The following RHBDF2 variants were observed in gnomAD, a reference collection of about 807,000 sequenced individuals.
The protein encoded by RHBDF2 is rhomboid 5 homolog 2.
A neutral mutation model predicts 95.2 loss-of-function variants in RHBDF2; 38 were observed. The ratio of observed to expected loss-of-function variants is 0.40; its 90% confidence interval spans 0.31 to 0.52. RHBDF2 has a LOEUF of 0.52. RHBDF2 is among the 20% of genes least tolerant of loss of function. The probability of loss-of-function intolerance (pLI) is 0.56; values close to 1 mark genes in which losing one functional copy is unlikely to be tolerated. For synonymous variants in RHBDF2, 442 were observed against 462.0 expected (o/e 0.96, Z 0.55); for missense variants, 863 against 1,137.7 (o/e 0.76, Z 3.47).
chr17:76,476,871 G>A lies in RHBDF2; in HGVS notation c.1074C>T (p.Ser358=), dbSNP rs976832179. 10 of 1,612,278 alleles carry A rather than the reference G, an allele frequency of 6.2e-6. No individual in the cohort carries two copies. Among genetic ancestry groups the A allele is most frequent in the African/African-American group, 1.3e-5 (1 of 74,932 alleles). The stretch of plus-strand genomic sequence containing the variant: ...TCTCCAGCTGCCGCTGCACAGTGCT[G>A]CTGATGCTGCGGCGGTAGCTGCGGT... ...WLNRSYRRSI[S]STVQRQLESF... Residue 358 remains serine, a synonymous_variant, in exon 9 of 19, where the codon AGC becomes AGT. Transcript: ENST00000675367.
chr17:76,479,961 C>T lies in RHBDF2; in HGVS notation c.151-107G>A, dbSNP rs775067596. 8.0e-6 allele frequency: 12 copies of T among 1,492,670 alleles called. No individual in the cohort carries two copies. The South Asian group carries it at 1.5e-4, about 19-fold the overall frequency. 92.5% of individuals were successfully genotyped at this position (1,492,670 alleles called of 1,614,324 possible). On this transcript the variant is annotated intron_variant, in intron 3 of 18. Coordinates refer to ENST00000675367, the MANE Select transcript of RHBDF2 (RefSeq NM_001005498.4). ...AAAACCCTGAGAACAAACTTCAACCCTGATTTATGCCCCAATTTGCTTTCA... is the reference window on the plus strand; with the variant it reads ...AAAACCCTGAGAACAAACTTCAACCTTGATTTATGCCCCAATTTGCTTTCA...
chr17:76,474,392 G>A lies in RHBDF2; in HGVS notation c.1445C>T (p.Thr482Ile). The A allele has an allele frequency of 6.2e-7, 1 of 1,613,592 alleles. No individual in the cohort carries two copies. Among genetic ancestry groups the A allele is most frequent in the Non-Finnish European group, 8.5e-7 (1 of 1,179,926 alleles). ...CCCCACCGAGCAGTCCTTCCGCTGG[G>A]TCTGGATGCATCCGGAGTGGTCATT... is the stretch of plus-strand genomic sequence containing the variant. The part of the protein sequence containing the change: ...VQNDHSGCIQ[T>I]QRKDCSETLA... The change falls in exon 12 of 19, where the codon ACC becomes ATC. Residue 482 changes from threonine (T) to isoleucine (I), a missense_variant. By Grantham distance (89) the Thr-to-Ile change is moderately conservative (BLOSUM62 -1). Coordinates refer to ENST00000675367, the MANE Select transcript of RHBDF2 (RefSeq NM_001005498.4).
chr17:76,492,351 G>A (rs967074265), intron 1 of RHBDF2, among the ~76,000 whole-genome samples: 3 of 152,136 alleles, frequency 2.0e-5, no homozygotes, highest in Admixed American at 6.5e-5. Context: ...TGGCAGCAGC[G>A]GACCTCAGAC....
chr17:76,498,820 G>GTGTGTA (rs2074500051), intron 1 of RHBDF2, among the ~76,000 whole-genome samples: 1 of 150,158 alleles, frequency 6.7e-6, no homozygotes, highest in South Asian at 2.1e-4. Context: ...GTGTGTGTGT[G>GTGTGTA]TGTGAGTCTG....
chr17:76,477,445 A>T (rs555765141), intron 7 of RHBDF2, 147 bp from the exon 8 acceptor site: 4 of 1,205,356 alleles, frequency 3.3e-6, no homozygotes, highest in Non-Finnish European at 4.7e-6. Context: ...CCCAATGGTG[A>T]CTTTCCCGGG....
At chr17:76,488,466 C>T (rs2074203517) in intron 1 of RHBDF2, among the ~76,000 whole-genome samples, 1 of 151,088 alleles carries the variant, frequency 6.6e-6, no homozygotes, top group South Asian at 2.1e-4. Context: ...TGCCATTACA[C>T]TCCAGCCTGG....
intron 12 of RHBDF2, 97 bp downstream of exon 12, chr17:76,474,276 G>T: frequency 7.0e-7 from 1 of 1,431,220 alleles, no homozygotes; most frequent in African/African-American, 1.4e-5. Flanking sequence ...GTGGGGCGGG[G>T]AGGAGGGAAC....
At chr17:76,475,175 GCTC>G (rs1424277029) in intron 9 of RHBDF2, 34 bp from the exon 10 acceptor site, 1 of 1,492,604 alleles carries the variant, frequency 6.7e-7, no homozygotes, top group Admixed American at 2.0e-5. Flanking sequence ...GCTGAGCCGA[GCTC>G]CTATCCCAAC....
chr17:76,495,701 G>A (rs2144446360), intron 1 of RHBDF2, among the ~76,000 whole-genome samples: 1 of 152,254 alleles, frequency 6.6e-6, no homozygotes. Flanking sequence ...GCATCCCTGG[G>A]CCCTCACCTC....
intron 2 of RHBDF2, among the ~76,000 whole-genome samples, chr17:76,486,906 C>T: frequency 6.6e-6 from 1 of 151,472 alleles, no homozygotes; most frequent in Non-Finnish European, 1.5e-5. Context: ...GTTCAAGTGC[C>T]CTCCTGCCCC....
chr17:76,500,109 T>C (rs1380420032), intron 1 of RHBDF2, among the ~76,000 whole-genome samples: 4 of 152,172 alleles, frequency 2.6e-5, no homozygotes, highest in Non-Finnish European at 4.4e-5. Flanking sequence ...GTTTCCCCAG[T>C]GAGGGAGCAT....
At chr17:76,499,112 C>T (rs1026837304) in intron 1 of RHBDF2, among the ~76,000 whole-genome samples, 7 of 152,006 alleles carry the variant, frequency 4.6e-5, no homozygotes, top group African/African-American at 1.5e-4. Context: ...GGGAGTTTCA[C>T]TTCAGCCTTT....
intron 15 of RHBDF2, 103 bp downstream of exon 15, chr17:76,473,545 C>A: frequency 1.9e-6 from 2 of 1,076,598 alleles, no homozygotes; most frequent in Non-Finnish European, 2.7e-6. Context: ...AGGGCATCGG[C>A]CCAGCGGCTG....
intron 2 of RHBDF2, among the ~76,000 whole-genome samples, chr17:76,483,197 G>A (rs1016637645): frequency 6.6e-6 from 1 of 152,172 alleles, no homozygotes; most frequent in Non-Finnish European, 1.5e-5. Flanking sequence ...TTATGGGCGT[G>A]AGCCACCAAG....
Position 76,471,740 on chromosome 17 carries a change from A to G in RHBDF2, c.2377T>C (p.Trp793Arg), listed in dbSNP as rs1248126243. 2 of 1,611,168 alleles carry G rather than the reference A, an allele frequency of 1.2e-6. No individual in the cohort carries two copies. Among genetic ancestry groups the G allele is most frequent in the Non-Finnish European group, 1.7e-6 (2 of 1,178,864 alleles). The part of the protein sequence containing the change: ...FAGLFAALVL[W>R]LYIYPINWPW... Reference sequence around the variant, plus strand: ...CAGTTAATGGGGTAGATGTACAGCCACAGCACGAGGGCGGCGAAGAGGCCG... The same window carrying G: ...CAGTTAATGGGGTAGATGTACAGCCGCAGCACGAGGGCGGCGAAGAGGCCG... The change falls in exon 19 of 19, where the codon TGG becomes CGG. Residue 793 changes from tryptophan (W) to arginine (R), a missense_variant. Trp to Arg is a moderately radical substitution (Grantham distance 101). Transcript: ENST00000675367.
chr17:76,490,778 GCGCTGCGCCTGGCA>G (rs2074275620), intron 1 of RHBDF2, among the ~76,000 whole-genome samples: 1 of 152,152 alleles, frequency 6.6e-6, no homozygotes, highest in African/African-American at 2.4e-5. Context: ...CTCATCTGAA[GCGCTGCGCCTGGCA>G]CACCAGGCTC....
In RHBDF2 at chr17:76,471,735, C is replaced by T; in HGVS notation, c.2382G>A (p.Leu794=). ...AGLFAALVLW[L]YIYPINWPWI... is the part of the protein sequence containing the mutation. ...AGGGCCAGTTAATGGGGTAGATGTACAGCCACAGCACGAGGGCGGCGAAGA... is the reference window on the plus strand; with the variant it reads ...AGGGCCAGTTAATGGGGTAGATGTATAGCCACAGCACGAGGGCGGCGAAGA... The change falls in exon 19 of 19, where the codon CTG becomes CTA. Residue 794 remains leucine, a synonymous_variant. Coordinates refer to ENST00000675367, the MANE Select transcript of RHBDF2 (RefSeq NM_001005498.4). The T allele has an allele frequency of 1.2e-6, 2 of 1,611,036 alleles. No homozygotes were observed. The highest frequency in any genetic ancestry group is 1.7e-6 in the Non-Finnish European group (2 of 1,178,720).
Position 76,473,033 on chromosome 17 carries a change from G to A in RHBDF2, c.1882C>T (p.Leu628Phe). Residue 628 changes from leucine (L) to phenylalanine (F), a missense_variant, in exon 17 of 19, where the codon CTC (leucine) becomes TTC (phenylalanine). Leu to Phe is a conservative substitution (Grantham distance 22). Transcript: ENST00000675367. ...GCATGTAGGAAGAGAGACAGCCAGAGCCTGTAGAACTGATCTGGGACCTCA... is the reference window on the plus strand; with the variant it reads ...GCATGTAGGAAGAGAGACAGCCAGAACCTGTAGAACTGATCTGGGACCTCA... Reference protein sequence around the residue: ...NPEVPDQFYRLWLSLFLHAGV... With the variant: ...NPEVPDQFYRFWLSLFLHAGV... 1 of 1,614,072 alleles carries A rather than the reference G, an allele frequency of 6.2e-7. No homozygotes were observed. Among genetic ancestry groups the A allele is most frequent in the Non-Finnish European group, 8.5e-7 (1 of 1,179,908 alleles).
chr17:76,478,600 A>G (rs1384398154), intron 6 of RHBDF2, among the ~76,000 whole-genome samples: 1 of 152,186 alleles, frequency 6.6e-6, no homozygotes. Context: ...AGGGGGTCAC[A>G]CGAGATTTAA....
Sources: gnomAD v4.1 joint callset for allele counts (sites outside exome capture counted in the v4.1 genomes callset) on GRCh38, gnomAD v4.1.1 for gene constraint, MANE v1.5 for transcripts, NCBI Gene and HGNC (gene_info 2026-07-23, HGNC 2026-07-21) for gene names.